The following PCDHA4 variants were observed in gnomAD, a reference collection of about 807,000 sequenced individuals.
PCDHA4 encodes protocadherin alpha-4.
In PCDHA4, 49 loss-of-function variants were observed where a neutral mutation model predicts 61.4. That is an observed-to-expected ratio of 0.80 (90% CI 0.63 to 1.01). The LOEUF is 1.01. Ranked by LOEUF, PCDHA4 falls within the 50% of genes least tolerant of loss-of-function variation. The probability of loss-of-function intolerance (pLI) is 0.00; values close to 1 mark genes in which losing one functional copy is unlikely to be tolerated. For synonymous variants in PCDHA4, 590 were observed against 550.3 expected, an observed-to-expected ratio of 1.07 and a Z score of -1.01; for missense variants, 1,254 against 1,235.8, an observed-to-expected ratio of 1.01 and a Z score of -0.22.
Position 141,011,779 on chromosome 5 carries a change from A to G in PCDHA4, c.*1842A>G, listed in dbSNP as rs1407523783. On this transcript the variant is annotated 3_prime_UTR_variant, in exon 4 of 4. Transcript: ENST00000530339. ...CTTTGAAGTTGCAGAATGCTTTGAAATTCTAATGGTATCTGAAATATCAGC... is the reference window on the plus strand; with the variant it reads ...CTTTGAAGTTGCAGAATGCTTTGAAGTTCTAATGGTATCTGAAATATCAGC... The G allele has an allele frequency of 6.5e-6, 1 of 153,778 alleles. No homozygotes were observed. Among genetic ancestry groups the G allele is most frequent in the East Asian group, 1.9e-4 (1 of 5,202 alleles). 9.5% of individuals were successfully genotyped at this position (153,778 alleles called of 1,614,324 possible).
intron 1 of PCDHA4, among the ~76,000 whole-genome samples, chr5:140,941,259 T>TTCTTTC (rs1554214225): frequency 1.2e-3 from 146 of 121,812 alleles, no homozygotes; most frequent in African/African-American, 3.7e-3. Flanking sequence ...TTCTTTCTCT[T>TTCTTTC]TCTTTCTTTC....
chr5:140,871,401 G>A (rs1400127439), intron 1 of PCDHA4: 4 of 1,614,086 alleles, frequency 2.5e-6, no homozygotes, highest in South Asian at 1.1e-5. Flanking sequence ...CACCTAAGAC[G>A]GACCTCATGG....
Position 140,927,871 on chromosome 5 carries a change from C to T in PCDHA4, c.2386-51078C>T, listed in dbSNP as rs376396178. The T allele has an allele frequency of 5.6e-6, 9 of 1,614,048 alleles. No individual in the cohort carries two copies. In the African/African-American group the frequency reaches 1.2e-4, roughly 22 times the overall value. ...TGGTTTAGCTAGCACCGCTAAACTG[C>T]TGGTGGAGGTGACTGACGTGAACGA... On this transcript the variant is annotated intron_variant, in intron 1 of 3. Coordinates refer to ENST00000530339, the MANE Select transcript of PCDHA4 (RefSeq NM_018907.4).
chr5:140,822,679 A>G (rs1248673178), intron 1 of PCDHA4: 1 of 1,609,904 alleles, frequency 6.2e-7, no homozygotes, highest in Non-Finnish European at 8.5e-7. Context: ...TGGTGAAATA[A>G]AAGTTAACGG....
intron 1 of PCDHA4, chr5:140,876,536 T>C (rs782148318): frequency 1.2e-6 from 2 of 1,614,238 alleles, no homozygotes; most frequent in Non-Finnish European, 1.7e-6. Context: ...GTTACTTCAC[T>C]GTCGCTCCCT....
chr5:140,945,516 A>C (rs1192013721), intron 1 of PCDHA4, among the ~76,000 whole-genome samples: 2 of 152,154 alleles, frequency 1.3e-5, no homozygotes, highest in Non-Finnish European at 2.9e-5. Flanking sequence ...AAAGTAAATA[A>C]ATAAATAAAA....
rs2150362585 is a variant in PCDHA4 at position 140,843,552 on chromosome 5, C to A, written c.2385+33980C>A. 3 of 1,595,800 alleles carry A rather than the reference C, an allele frequency of 1.9e-6. 1 individual carries two copies. The highest frequency in any genetic ancestry group is 4.5e-5 in the East Asian group (2 of 44,828). On this transcript the variant is annotated intron_variant, in intron 1 of 3. Coordinates refer to ENST00000530339, the MANE Select transcript of PCDHA4 (RefSeq NM_018907.4). ...AAGCCCACTCTGGTGTGCTCCAGTGCGGTGGGGAGCTGGTCATACTCGCAA... is the reference window on the plus strand; with the variant it reads ...AAGCCCACTCTGGTGTGCTCCAGTGAGGTGGGGAGCTGGTCATACTCGCAA...
At position 140,932,324 on chromosome 5, in the gene PCDHA4, A is replaced by C. The variant is rs188019504; in HGVS notation, c.2386-46625A>C. On this transcript the variant is annotated intron_variant, in intron 1 of 3. Coordinates refer to ENST00000530339, the MANE Select transcript of PCDHA4 (RefSeq NM_018907.4). Reference sequence around the variant, plus strand: ...AAAGGTATAAATATATTAATGTAGCAAAAATGCATGAAACACTTACCATAC... The same window carrying C: ...AAAGGTATAAATATATTAATGTAGCCAAAATGCATGAAACACTTACCATAC... Among the ~76,000 whole-genome samples the C allele has an allele frequency of 5.8e-3, 886 of 152,084 alleles. 7 individuals are homozygous for C. The highest frequency in any genetic ancestry group is 0.021 in the African/African-American group (858 of 41,564).
At chr5:140,884,122 G>T (rs1212118784) in intron 1 of PCDHA4, 1 of 1,613,188 alleles carries the variant, frequency 6.2e-7, no homozygotes, top group Non-Finnish European at 8.5e-7. Context: ...CGGTCGGCGC[G>T]CGCATCCCGT....
intron 1 of PCDHA4, chr5:140,870,538 C>T (rs539269989): frequency 6.2e-7 from 1 of 1,614,154 alleles, no homozygotes; most frequent in African/African-American, 1.3e-5. Flanking sequence ...AGTGTCGGCG[C>T]GGGACGCGGA....
rs2150297287 is a variant in PCDHA4, at chr5:140,839,391, T to C, written c.2385+29819T>C. Among the ~76,000 whole-genome samples, 80 of 151,830 alleles carry C rather than the reference T, an allele frequency of 5.3e-4. 1 individual carries two copies. The highest frequency in any genetic ancestry group is 1.8e-3 in the African/African-American group (75 of 41,346). On this transcript the variant is annotated intron_variant, in intron 1 of 3. Transcript: ENST00000530339. ...TATTCATCAATTATTATGATGATGATGATGATTATTATTTTTGAGACAGGG... is the reference window on the plus strand; with the variant it reads ...TATTCATCAATTATTATGATGATGACGATGATTATTATTTTTGAGACAGGG...
chr5:140,882,510 A>G (rs1276139359), intron 1 of PCDHA4: 1 of 1,614,046 alleles, frequency 6.2e-7, no homozygotes, highest in East Asian at 2.2e-5. Context: ...AATCTGCAGA[A>G]TGGCATTTTG....
Position 140,883,352 on chromosome 5 carries a change from G to A in PCDHA4, c.2385+73780G>A, listed in dbSNP as rs1554177776. ...TTCTTTGTCACTCCCCATCAGAGAA[G>A]ACACTCAGCCTAGCGCCATTATTGC... is the stretch of plus-strand genomic sequence containing the variant. On this transcript the variant is annotated intron_variant, in intron 1 of 3. Coordinates refer to ENST00000530339, the MANE Select transcript of PCDHA4 (RefSeq NM_018907.4). The A allele has an allele frequency of 1.9e-6, 3 of 1,614,164 alleles. No homozygotes were observed. In the East Asian group the frequency reaches 6.7e-5, roughly 36 times the overall value.
chr5:140,917,585 T>C (rs1204000344), intron 1 of PCDHA4, among the ~76,000 whole-genome samples: 1 of 152,244 alleles, frequency 6.6e-6, no homozygotes, highest in Non-Finnish European at 1.5e-5. Context: ...TTTTTGTTCA[T>C]GCTGAAAGGA....
intron 1 of PCDHA4, chr5:140,822,603 A>G: frequency 6.2e-7 from 1 of 1,611,500 alleles, no homozygotes; most frequent in Non-Finnish European, 8.5e-7. Flanking sequence ...ATAAGGAAAT[A>G]GTGTATTTCT....
intron 1 of PCDHA4, chr5:140,883,386 G>C (rs1554177993): frequency 6.2e-7 from 1 of 1,614,138 alleles, no homozygotes; most frequent in South Asian, 1.1e-5. Context: ...GCCCTAATCA[G>C]TGTGTCCGAT....
At chr5:140,851,968 C>T (rs1409588887) in intron 1 of PCDHA4, 1 of 976,644 alleles carries the variant, frequency 1.0e-6, no homozygotes, top group Admixed American at 6.3e-5. Flanking sequence ...GTTTTCCACA[C>T]TCTACCTTTA....
chr5:140,829,611 A>G lies in PCDHA4; in HGVS notation c.2385+20039A>G, dbSNP rs1282023154. 6 of 1,612,132 alleles carry G rather than the reference A, an allele frequency of 3.7e-6. No individual in the cohort carries two copies. The East Asian group carries it at 6.7e-5, about 18-fold the overall frequency. On this transcript the variant is annotated intron_variant, in intron 1 of 3. Coordinates refer to ENST00000530339, the MANE Select transcript of PCDHA4 (RefSeq NM_018907.4). ...GTGGGCGAGCGCGCGTTGTCGAGCT[A>G]CATTTCGGTGCACGCGGAGAGCGGC...
intron 1 of PCDHA4, among the ~76,000 whole-genome samples, chr5:140,944,732 G>A (rs1351639657): frequency 6.6e-6 from 1 of 152,142 alleles, no homozygotes; most frequent in Non-Finnish European, 1.5e-5. Context: ...ACCTTAGTAA[G>A]TCTGAGCATT....
Sources: allele counts gnomAD v4.1 joint callset (sites outside exome capture counted in the v4.1 genomes callset), GRCh38; gene constraint gnomAD v4.1.1; transcripts MANE v1.5; gene names NCBI Gene and HGNC (gene_info 2026-07-23, HGNC 2026-07-21).